The following NLGN1 variants were observed in gnomAD, a reference collection of about 807,000 sequenced individuals.
NLGN1 encodes neuroligin-1.
A neutral mutation model predicts 65.5 loss-of-function variants in NLGN1; 12 were observed. The observed-to-expected ratio is 0.18, with a 90% CI of 0.12 to 0.30. NLGN1 has a LOEUF of 0.30. NLGN1 is among the 10% of genes least tolerant of loss of function. NLGN1 has a pLI of 1.00. For missense variants in NLGN1, 750 were observed against 1,007.1 expected, an observed-to-expected ratio of 0.74 and a Z score of 3.46; for synonymous variants, 350 against 359.5, an observed-to-expected ratio of 0.97 and a Z score of 0.30.
In NLGN1 at chr3:174,269,669, T is replaced by C. The variant is rs76815996; in HGVS notation, c.647-5646T>C. The stretch of plus-strand genomic sequence containing the variant: ...TGAACATGGACTTGCAAATTTCTCA[T>C]TGGGATCCTGCTTTGAATTCTTTTG... On this transcript the variant is annotated intron_variant, in intron 4 of 6. Transcript: ENST00000457714. 6.1e-3 allele frequency among the ~76,000 whole-genome samples: 928 copies of C among 152,122 alleles called. 25 individuals are homozygous for C. Among genetic ancestry groups the C allele is most frequent in the East Asian group, 0.032 (166 of 5,170 alleles).
chr3:173,882,784 A>G (rs1041913008), intron 4 of NLGN1, among the ~76,000 whole-genome samples: 8 of 152,212 alleles, frequency 5.3e-5, no homozygotes, highest in East Asian at 1.9e-4. Context: ...AGCACTTTCA[A>G]TTTCCTTCAA....
chr3:174,237,723 A>C (rs1742002087), intron 4 of NLGN1, among the ~76,000 whole-genome samples: 1 of 152,040 alleles, frequency 6.6e-6, no homozygotes, highest in South Asian at 2.1e-4. Flanking sequence ...TGTGTGGCTA[A>C]TTTTTGTATT....
At chr3:173,628,904 G>A (rs558685367) in intron 3 of NLGN1, among the ~76,000 whole-genome samples, 6 of 151,888 alleles carry the variant, frequency 4.0e-5, no homozygotes, top group Non-Finnish European at 8.8e-5. Context: ...ATGTTGGCCA[G>A]GCTGGTCTCG....
intron 3 of NLGN1, among the ~76,000 whole-genome samples, chr3:173,709,634 C>G (rs1578066714): frequency 6.6e-6 from 1 of 150,984 alleles, no homozygotes; most frequent in African/African-American, 2.4e-5. Flanking sequence ...AAACCCCATC[C>G]CTACTAAAAA....
chr3:173,727,836 C>T (rs1772055590), intron 3 of NLGN1, among the ~76,000 whole-genome samples: 1 of 152,042 alleles, frequency 6.6e-6, no homozygotes, highest in Admixed American at 6.6e-5. Flanking sequence ...TTTCCTCTTG[C>T]AATCAAAAAG....
At chr3:173,968,519 A>G (rs565215136) in intron 4 of NLGN1, among the ~76,000 whole-genome samples, 1 of 152,038 alleles carries the variant, frequency 6.6e-6, no homozygotes, top group African/African-American at 2.4e-5. Context: ...TTTGACAAAA[A>G]TACTGGATGA....
At chr3:173,955,391 T>A (rs1476282114) in intron 4 of NLGN1, among the ~76,000 whole-genome samples, 1 of 151,822 alleles carries the variant, frequency 6.6e-6, no homozygotes, top group Non-Finnish European at 1.5e-5. Flanking sequence ...GCATGTAATG[T>A]TGTTAAAATG....
intron 4 of NLGN1, among the ~76,000 whole-genome samples, chr3:173,934,486 TA>T (rs1178274892): frequency 6.6e-6 from 1 of 151,840 alleles, no homozygotes; most frequent in Non-Finnish European, 1.5e-5. Flanking sequence ...CAGGTTACAT[TA>T]ATATTAGGAT....
intron 4 of NLGN1, among the ~76,000 whole-genome samples, chr3:173,917,874 C>T (rs1741069218): frequency 9.9e-6 from 1 of 100,884 alleles, no homozygotes; most frequent in African/African-American, 5.2e-5. Context: ...TGTGTGTTGG[C>T]CTTTATCTGG....
intron 4 of NLGN1, among the ~76,000 whole-genome samples, chr3:174,143,247 C>G (rs1722625935): frequency 1.3e-5 from 2 of 152,044 alleles, no homozygotes; most frequent in African/African-American, 4.8e-5. Context: ...TACATAAATA[C>G]TGTTTAATAA....
intron 4 of NLGN1, among the ~76,000 whole-genome samples, chr3:173,824,717 T>A (rs985099418): frequency 2.0e-5 from 3 of 152,108 alleles, no homozygotes; most frequent in Admixed American, 6.6e-5. Flanking sequence ...CCAACACTCA[T>A]ATGATCGTGC....
intron 4 of NLGN1, among the ~76,000 whole-genome samples, chr3:173,906,878 C>CAAAAAAAAA (rs1224471514): frequency 3.6e-4 from 32 of 88,216 alleles, no homozygotes; most frequent in African/African-American, 7.9e-4. Context: ...CAAACAAAAA[C>CAAAAAAAAA]AAAAAAAAAA....
At chr3:173,980,548 A>C (rs1271717813) in intron 4 of NLGN1, among the ~76,000 whole-genome samples, 1 of 152,034 alleles carries the variant, frequency 6.6e-6, no homozygotes, top group Non-Finnish European at 1.5e-5. Context: ...ATCTTTGGGA[A>C]TATAGTTCTT....
chr3:174,149,734 G>GATAGATAATA (rs1237404160), intron 4 of NLGN1, among the ~76,000 whole-genome samples: 1 of 152,032 alleles, frequency 6.6e-6, no homozygotes, highest in East Asian at 1.9e-4. Context: ...TACAAGATAT[G>GATAGATAATA]ATAGATAATA....
intron 2 of NLGN1, among the ~76,000 whole-genome samples, chr3:173,500,745 A>G (rs1032288049): frequency 3.3e-5 from 5 of 151,838 alleles, no homozygotes; most frequent in East Asian, 1.9e-4. Flanking sequence ...TTATTGGTCT[A>G]TTAAATACCT....
At chr3:173,861,707 G>C (rs1302387798) in intron 4 of NLGN1, among the ~76,000 whole-genome samples, 1 of 151,706 alleles carries the variant, frequency 6.6e-6, no homozygotes, top group Non-Finnish European at 1.5e-5. Context: ...GTGTGAAGAT[G>C]TGGGGATAGT....
chr3:173,726,719 AAATAGTT>A (rs1358304007), intron 3 of NLGN1, among the ~76,000 whole-genome samples: 1 of 152,160 alleles, frequency 6.6e-6, no homozygotes, highest in Non-Finnish European at 1.5e-5. Flanking sequence ...AGGGAGCCAT[AAATAGTT>A]TTACCTTTCT....
intron 4 of NLGN1, among the ~76,000 whole-genome samples, chr3:173,911,593 G>A (rs1234166460): frequency 1.3e-5 from 2 of 152,184 alleles, no homozygotes; most frequent in East Asian, 1.9e-4. Context: ...GCTTAGTGGA[G>A]ACAGGCTAAT....
At chr3:173,901,009 A>G (rs1163052775) in intron 4 of NLGN1, among the ~76,000 whole-genome samples, 1 of 152,044 alleles carries the variant, frequency 6.6e-6, no homozygotes, top group Non-Finnish European at 1.5e-5. Context: ...ACTGCTGTTT[A>G]AGAAAACATC....
Sources: gnomAD v4.1 joint callset for allele counts (sites outside exome capture counted in the v4.1 genomes callset) on GRCh38, gnomAD v4.1.1 for gene constraint, MANE v1.5 for transcripts, NCBI Gene and HGNC (gene_info 2026-07-23, HGNC 2026-07-21) for gene names.